KANK1: variants seen among roughly 807,000 people sequenced by gnomAD.
KANK1 encodes KN motif and ankyrin repeat domain-containing protein 1.
A neutral mutation model predicts 106.2 loss-of-function variants in KANK1; 109 were observed. The observed-to-expected ratio is 1.03, with a 90% CI of 0.88 to 1.20. KANK1 has a LOEUF of 1.20. Among genes scored for constraint, KANK1 ranks in the 50% most tolerant of loss-of-function variants. KANK1 has a pLI of 0.00. For synonymous variants in KANK1, 873 were observed against 652.2 expected (o/e 1.34, Z -5.16); for missense variants, 2,399 against 1,710.7 (o/e 1.40, Z -7.10).
intron 1 of KANK1, among the ~76,000 whole-genome samples, chr9:546,364 G>C (rs2060928368): frequency 6.6e-6 from 1 of 151,966 alleles, no homozygotes. Context: ...TAAACACTCT[G>C]CAGTGTCCAG....
chr9:489,968 G>A (rs555172972), intron 3 of KANK1, among the ~76,000 whole-genome samples: 2 of 152,046 alleles, frequency 1.3e-5, no homozygotes, highest in East Asian at 1.9e-4. Flanking sequence ...AATAAATAAA[G>A]GAAGGAAGTA....
intron 3 of KANK1, among the ~76,000 whole-genome samples, chr9:481,524 G>C (rs958331951): frequency 2.6e-5 from 4 of 152,210 alleles, no homozygotes; most frequent in African/African-American, 9.6e-5. Context: ...CAGAAGTATT[G>C]AATGTGGTCT....
chr9:611,758 G>T (rs35625797), intron 1 of KANK1, among the ~76,000 whole-genome samples: 2 of 151,894 alleles, frequency 1.3e-5, no homozygotes, highest in African/African-American at 4.8e-5. Flanking sequence ...TTTCTCTGTT[G>T]CCCAGGCTGG....
intron 1 of KANK1, among the ~76,000 whole-genome samples, chr9:586,484 C>G (rs527934129): frequency 4.7e-4 from 71 of 152,110 alleles, no homozygotes; most frequent in African/African-American, 1.7e-3. Context: ...GCTGGACATT[C>G]GGGGAAAGTG....
intron 3 of KANK1, among the ~76,000 whole-genome samples, chr9:717,143 G>C (rs1043808718): frequency 7.9e-5 from 12 of 151,968 alleles, no homozygotes; most frequent in Admixed American, 7.9e-4. Context: ...AAATTTGCCA[G>C]GCGTGATGGC....
At chr9:636,379 G>C (rs1000549359) in intron 1 of KANK1, among the ~76,000 whole-genome samples, 3 of 152,126 alleles carry the variant, frequency 2.0e-5, no homozygotes, top group Non-Finnish European at 4.4e-5. Context: ...GGTTTCTTTT[G>C]TGTTTGATGG....
chr9:515,607 A>T (rs77162704), intron 1 of KANK1, among the ~76,000 whole-genome samples: 1 of 151,720 alleles, frequency 6.6e-6, no homozygotes, highest in African/African-American at 2.4e-5. Context: ...AACTTTTCTA[A>T]TTTGTTAACT....
chr9:722,171 A>G (rs768315109), intron 3 of KANK1, among the ~76,000 whole-genome samples: 2 of 152,248 alleles, frequency 1.3e-5, no homozygotes, highest in Non-Finnish European at 2.9e-5. Flanking sequence ...CAAGGATGAT[A>G]ATAGCCCTTC....
At chr9:672,082 C>T (rs1433141214) in intron 1 of KANK1, among the ~76,000 whole-genome samples, 1 of 152,148 alleles carries the variant, frequency 6.6e-6, no homozygotes, top group Admixed American at 6.5e-5. Context: ...CTCATTTATG[C>T]CCTAAGTTCT....
At chr9:691,709 G>T (rs1819975037) in intron 2 of KANK1, among the ~76,000 whole-genome samples, 1 of 142,204 alleles carries the variant, frequency 7.0e-6, no homozygotes, top group Non-Finnish European at 1.5e-5. Flanking sequence ...AACCTCCCAG[G>T]CTCAAGTAAT....
chr9:545,139 T>C (rs963067756), intron 1 of KANK1, among the ~76,000 whole-genome samples: 10 of 147,612 alleles, frequency 6.8e-5, no homozygotes, highest in Non-Finnish European at 1.3e-4. Flanking sequence ...TGGGAGGATC[T>C]GGCTGCTACT....
chr9:609,738 T>G (rs971300266), intron 1 of KANK1, among the ~76,000 whole-genome samples: 82 of 152,194 alleles, frequency 5.4e-4, no homozygotes, highest in African/African-American at 1.9e-3. Flanking sequence ...CCCTTTAAAG[T>G]TAATTCTAAA....
chr9:619,834 T>C (rs1402988274), intron 1 of KANK1, among the ~76,000 whole-genome samples: 2 of 152,148 alleles, frequency 1.3e-5, no homozygotes, highest in Admixed American at 6.6e-5. Flanking sequence ...CAGAGTTAGC[T>C]AGTTTAAATT....
chr9:625,573 G>A (rs866028903), intron 1 of KANK1, among the ~76,000 whole-genome samples: 1 of 151,364 alleles, frequency 6.6e-6, no homozygotes, highest in Admixed American at 6.6e-5. Context: ...CTTCTTGTGC[G>A]AGGAGTATCT....
chr9:682,528 A>G (rs9408676), intron 2 of KANK1, among the ~76,000 whole-genome samples: 92,426 of 152,060 alleles, frequency 0.61, 31,111 homozygotes, highest in East Asian at 0.9. Flanking sequence ...TATTATTTTC[A>G]ATGACTGTAT....
At chr9:472,569 G>C (rs755958544) in intron 2 of KANK1, among the ~76,000 whole-genome samples, 1 of 152,154 alleles carries the variant, frequency 6.6e-6, no homozygotes, top group Non-Finnish European at 1.5e-5. Flanking sequence ...TTGGCCCATA[G>C]AATGCGGCAA....
chr9:735,741 C>T (rs1410278638), intron 7 of KANK1: 1 of 441,336 alleles, frequency 2.3e-6, no homozygotes, highest in Non-Finnish European at 4.7e-6. Context: ...CACCTATGAT[C>T]CCAACACTTC....
intron 1 of KANK1, among the ~76,000 whole-genome samples, chr9:604,769 A>T (rs1480544682): frequency 5.3e-5 from 8 of 151,802 alleles, no homozygotes; most frequent in Admixed American, 3.9e-4. Context: ...GATGGAGGTT[A>T]CAGTGAGCCA....
chr9:718,559 C>T (rs917528367), intron 3 of KANK1, among the ~76,000 whole-genome samples: 12 of 152,084 alleles, frequency 7.9e-5, no homozygotes, highest in Admixed American at 6.6e-5. Context: ...ATTCGCCTGC[C>T]TCAGCCTCCC....
Sources: gnomAD v4.1 joint callset for allele counts (sites outside exome capture counted in the v4.1 genomes callset) on GRCh38, gnomAD v4.1.1 for gene constraint, MANE v1.5 for transcripts, NCBI Gene and HGNC (gene_info 2026-07-23, HGNC 2026-07-21) for gene names.